Variants in RDX observed in about 807,000 individuals in gnomAD.
The protein encoded by RDX is radixin.
A neutral mutation model predicts 83.7 loss-of-function variants in RDX; 32 were observed. That is an observed-to-expected ratio of 0.38 (90% CI 0.29 to 0.51). RDX has a LOEUF of 0.51. RDX is among the 20% of genes least tolerant of loss of function. The pLI, the probability that RDX is intolerant of heterozygous loss-of-function variation, is 0.87. For synonymous variants in RDX, 229 were observed against 222.7 expected (o/e 1.03, Z -0.25); for missense variants, 600 against 689.9 (o/e 0.87, Z 1.46).
chr11:110,199,780 A>C (rs1863339269), intron 14 of RDX: 2 of 695,540 alleles, frequency 2.9e-6, no homozygotes, highest in Admixed American at 2.0e-5. Flanking sequence ...TTGCAACATC[A>C]GGGCGCTCTT....
intron 15 of RDX, among the ~76,000 whole-genome samples, chr11:110,193,090 C>G (rs7114895): frequency 6.6e-6 from 1 of 151,990 alleles, no homozygotes; most frequent in African/African-American, 2.4e-5. Flanking sequence ...AGCAGTACGC[C>G]CAATAGCAAA....
At chr11:110,246,999 G>A (rs988510936) in intron 10 of RDX, among the ~76,000 whole-genome samples, 1 of 152,094 alleles carries the variant, frequency 6.6e-6, no homozygotes, top group Non-Finnish European at 1.5e-5. Context: ...GCTTAGAGAG[G>A]AGAAAAACAT....
intron 3 of RDX, among the ~76,000 whole-genome samples, chr11:110,271,808 T>G (rs1467720702): frequency 6.6e-6 from 1 of 152,144 alleles, no homozygotes; most frequent in Admixed American, 6.5e-5. Flanking sequence ...ACCAAATTGT[T>G]GTTAGGGATC....
intron 9 of RDX, among the ~76,000 whole-genome samples, chr11:110,252,647 G>C (rs1309375043): frequency 1.3e-5 from 2 of 152,164 alleles, no homozygotes; most frequent in Admixed American, 1.3e-4. Context: ...AGAATGTACT[G>C]TATAGAAAGT....
chr11:110,243,289 G>A (rs1482751108), intron 10 of RDX, among the ~76,000 whole-genome samples: 2 of 152,114 alleles, frequency 1.3e-5, no homozygotes, highest in African/African-American at 4.8e-5. Context: ...TTTAAGATAA[G>A]GGATACTCAA....
intron 14 of RDX, among the ~76,000 whole-genome samples, chr11:110,213,137 G>C (rs1863902825): frequency 6.6e-6 from 1 of 152,002 alleles, no homozygotes; most frequent in Non-Finnish European, 1.5e-5. Flanking sequence ...CTTCAGCAAA[G>C]TCTCAGGATA....
At chr11:110,262,901 G>A (rs1015078301) in intron 5 of RDX, among the ~76,000 whole-genome samples, 1 of 152,144 alleles carries the variant, frequency 6.6e-6, no homozygotes, top group Non-Finnish European at 1.5e-5. Flanking sequence ...AGCCATTATA[G>A]AAGCAGCAGT....
chr11:110,226,341 C>A (rs1437289418), downstream of RDX, among the ~76,000 whole-genome samples: 1 of 152,064 alleles, frequency 6.6e-6, no homozygotes, highest in Non-Finnish European at 1.5e-5. Flanking sequence ...ATAAATGAAC[C>A]TTGCAAACAT....
At chr11:110,227,164 A>T (rs574538025), downstream of RDX, among the ~76,000 whole-genome samples, 14 of 152,166 alleles carry the variant, frequency 9.2e-5, no homozygotes, top group Non-Finnish European at 1.9e-4. Context: ...AAACAATATA[A>T]AACATCATAT....
chr11:110,191,056 A>G (rs1021335556), intron 15 of RDX, among the ~76,000 whole-genome samples: 7 of 152,212 alleles, frequency 4.6e-5, no homozygotes, highest in Non-Finnish European at 8.8e-5. Context: ...ATACCCAAAA[A>G]TTGAGGAAGA....
intron 3 of RDX, among the ~76,000 whole-genome samples, chr11:110,270,853 C>T (rs1860277593): frequency 6.6e-6 from 1 of 152,156 alleles, no homozygotes; most frequent in Admixed American, 6.6e-5. Context: ...TAGTTTTTGG[C>T]TGCCACAAAC....
At chr11:110,290,309 G>T (rs1861182279) in intron 1 of RDX, among the ~76,000 whole-genome samples, 1 of 152,058 alleles carries the variant, frequency 6.6e-6, no homozygotes, top group African/African-American at 2.4e-5. Context: ...AGGATCACTT[G>T]AACCCAGGAC....
intron 9 of RDX, among the ~76,000 whole-genome samples, chr11:110,253,200 T>C (rs1159929298): frequency 6.6e-6 from 1 of 152,166 alleles, no homozygotes; most frequent in Non-Finnish European, 1.5e-5. Context: ...TATCCAATAT[T>C]TAAAATACAT....
chr11:110,189,266 A>AAAAAAAAAAAAAAAAAAAC (rs1244166041), intron 15 of RDX, among the ~76,000 whole-genome samples: 2 of 147,408 alleles, frequency 1.4e-5, no homozygotes, highest in East Asian at 2.0e-4. Flanking sequence ...AAAAAAAAAA[A>AAAAAAAAAAAAAAAAAAAC]AAGACAAGGG....
At chr11:110,272,438 T>C (rs1055412449) in intron 3 of RDX, 98 bp downstream of exon 3, 16 of 808,834 alleles carry the variant, frequency 2.0e-5, no homozygotes, top group Non-Finnish European at 3.4e-5. Context: ...TGGTACACTG[T>C]TGGATTATCA....
chr11:110,275,855 G>T (rs12281035), intron 2 of RDX, among the ~76,000 whole-genome samples: 159 of 142,512 alleles, frequency 1.1e-3, no homozygotes, highest in Middle Eastern at 4.0e-3. Context: ...CGTGATCTCA[G>T]CTCACTGCAA....
At chr11:110,182,977 C>G (rs1190085047) in intron 15 of RDX, among the ~76,000 whole-genome samples, 1 of 152,190 alleles carries the variant, frequency 6.6e-6, no homozygotes, top group Non-Finnish European at 1.5e-5. Context: ...CAAAGTCATG[C>G]AGCAGAAAAT....
chr11:110,278,407 T>C (rs1211221900), intron 2 of RDX, among the ~76,000 whole-genome samples: 1 of 152,168 alleles, frequency 6.6e-6, no homozygotes, highest in East Asian at 1.9e-4. Flanking sequence ...AAGATCTCTA[T>C]ACATATTTTA....
At position 110,270,962 on chromosome 11, in the gene RDX, A is replaced by G. The variant is rs116562353; in HGVS notation, c.96+1574T>C. 7.4e-3 allele frequency among the ~76,000 whole-genome samples: 1,126 copies of G among 152,320 alleles called. 18 individuals carry two copies. The highest frequency in any genetic ancestry group is 0.026 in the African/African-American group (1,078 of 41,564). On this transcript the variant is annotated intron_variant, in intron 3 of 13. Coordinates refer to ENST00000645495, the MANE Select transcript of RDX (RefSeq NM_002906.4). ...CAAATAAGATAGACTGTATATTCAC[A>G]AACAGGAGGCACAGAAGAATCAACA...
Sources: gnomAD v4.1 joint callset for allele counts (sites outside exome capture counted in the v4.1 genomes callset) on GRCh38, gnomAD v4.1.1 for gene constraint, MANE v1.5 for transcripts, NCBI Gene and HGNC (gene_info 2026-07-23, HGNC 2026-07-21) for gene names.